Variants in CDK6 observed in about 807,000 individuals in gnomAD.
CDK6 encodes the protein cyclin dependent kinase 6.
In CDK6, 6 loss-of-function variants were observed where a neutral mutation model predicts 37.1. That is an observed-to-expected ratio of 0.16 (90% CI 0.09 to 0.32). The LOEUF is 0.32. Ranked by LOEUF, CDK6 falls within the 10% of genes least tolerant of loss-of-function variation. CDK6 has a pLI of 1.00. For synonymous variants in CDK6, 160 were observed against 161.3 expected, an observed-to-expected ratio of 0.99 and a Z score of 0.06; for missense variants, 224 against 418.9, an observed-to-expected ratio of 0.53 and a Z score of 4.06.
chr7:92,613,885 T>C lies in CDK6; in HGVS notation c.*1255A>G, dbSNP rs1031430526. 9 of 233,206 alleles carry C rather than the reference T, an allele frequency of 3.9e-5. 1 individual carries two copies. The Middle Eastern group carries it at 5.1e-3, about 132-fold the overall frequency. 14.4% of individuals were successfully genotyped at this position (233,206 alleles called of 1,614,324 possible). On this transcript the variant is annotated 3_prime_UTR_variant, in exon 8 of 8. Transcript: ENST00000424848. ...TGTTAGGTTTGCAGAATCGAGGCCATAAACCATAAGCTGAGACTGCGAATT... is the reference window on the plus strand; with the variant it reads ...TGTTAGGTTTGCAGAATCGAGGCCACAAACCATAAGCTGAGACTGCGAATT...
chr7:92,661,524 C>T (rs1027338605), intron 5 of CDK6, among the ~76,000 whole-genome samples: 2 of 152,006 alleles, frequency 1.3e-5, no homozygotes, highest in Admixed American at 6.6e-5. Flanking sequence ...ATGTATTATA[C>T]CCTGTATTCT....
At chr7:92,820,797 T>C (rs943322163) in intron 2 of CDK6, among the ~76,000 whole-genome samples, 3 of 152,064 alleles carry the variant, frequency 2.0e-5, no homozygotes, top group Non-Finnish European at 4.4e-5. Flanking sequence ...GCATATTATC[T>C]AAATTTATGG....
rs1451936223 is a variant in CDK6, at chr7:92,605,504, AT to A, written c.*9635del. On this transcript the variant is annotated 3_prime_UTR_variant, in exon 8 of 8. Transcript: ENST00000424848. ...AGTTTTGGTGGTCCTTGAATGACATATTTTACGTTACATATTTACCCTACTT... is the reference window on the plus strand; with the variant it reads ...AGTTTTGGTGGTCCTTGAATGACATATTTACGTTACATATTTACCCTACTT... 4.3e-6 allele frequency: 1 copy of A among 232,874 alleles called. No homozygotes were observed. The highest frequency in any genetic ancestry group is 6.0e-5 in the East Asian group (1 of 16,536). 14.4% of individuals were successfully genotyped at this position (232,874 alleles called of 1,614,324 possible). A position where few individuals can be genotyped will look rare whatever the true frequency, so the allele number is the denominator to read the frequency against.
intron 2 of CDK6, among the ~76,000 whole-genome samples, chr7:92,783,634 G>C (rs188909665): frequency 7.9e-4 from 120 of 152,158 alleles, no homozygotes; most frequent in African/African-American, 2.7e-3. Context: ...AATATCTTCT[G>C]AATCTGTTAA....
At chr7:92,645,708 G>A (rs1796431288) in intron 5 of CDK6, among the ~76,000 whole-genome samples, 1 of 152,234 alleles carries the variant, frequency 6.6e-6, no homozygotes, top group Admixed American at 6.5e-5. Context: ...AGAGGGGGCA[G>A]GGGCACTCCT....
intron 5 of CDK6, among the ~76,000 whole-genome samples, chr7:92,651,851 C>G (rs530766584): frequency 6.6e-6 from 1 of 151,120 alleles, no homozygotes; most frequent in South Asian, 2.1e-4. Context: ...TGGAGAGGGG[C>G]AGGGGCATCC....
At chr7:92,770,002 T>C (rs2115761858) in intron 3 of CDK6, among the ~76,000 whole-genome samples, 1 of 152,166 alleles carries the variant, frequency 6.6e-6, no homozygotes, top group Middle Eastern at 3.4e-3. Flanking sequence ...AATCTCAGCA[T>C]GGAAACCCAG....
chr7:92,743,042 G>A (rs147128264), intron 3 of CDK6, among the ~76,000 whole-genome samples: 1 of 151,728 alleles, frequency 6.6e-6, no homozygotes, highest in Non-Finnish European at 1.5e-5. Flanking sequence ...TTAGTTTGCT[G>A]CCCTTTCTCG....
intron 5 of CDK6, among the ~76,000 whole-genome samples, chr7:92,656,319 G>A (rs976907457): frequency 4.6e-5 from 7 of 152,152 alleles, no homozygotes; most frequent in East Asian, 1.9e-4. Context: ...GATGCTCAGC[G>A]CAAAACAAAA....
chr7:92,702,695 C>T (rs569451782), intron 4 of CDK6, among the ~76,000 whole-genome samples: 1 of 152,192 alleles, frequency 6.6e-6, no homozygotes, highest in East Asian at 1.9e-4. Context: ...CCACTACCCA[C>T]AGACTTTGGT....
chr7:92,683,709 T>TAG (rs770417668), intron 4 of CDK6, among the ~76,000 whole-genome samples: 1 of 144,808 alleles, frequency 6.9e-6, no homozygotes, highest in Non-Finnish European at 1.5e-5. Flanking sequence ...AGGACTGTGG[T>TAG]GGGGGGGGGG....
At chr7:92,769,449 C>T (rs768489995) in intron 3 of CDK6, among the ~76,000 whole-genome samples, 4 of 152,140 alleles carry the variant, frequency 2.6e-5, no homozygotes, top group African/African-American at 9.7e-5. Context: ...TTTTGTGTGA[C>T]CTTTCAGTGC....
intron 2 of CDK6, among the ~76,000 whole-genome samples, chr7:92,810,212 A>G (rs1453779079): frequency 1.3e-5 from 2 of 152,198 alleles, no homozygotes; most frequent in Non-Finnish European, 2.9e-5. Context: ...GTAAGTCAAG[A>G]TAGCTTCCTC....
chr7:92,655,872 T>C (rs1796683614), intron 5 of CDK6, among the ~76,000 whole-genome samples: 1 of 152,270 alleles, frequency 6.6e-6, no homozygotes, highest in South Asian at 2.1e-4. Flanking sequence ...AGTGCATGTA[T>C]GTGCATTTGC....
chr7:92,725,817 T>C, intron 3 of CDK6, 24 bp from the exon 4 acceptor site: 2 of 1,596,852 alleles, frequency 1.3e-6, no homozygotes, highest in East Asian at 4.5e-5. Flanking sequence ...AAAAAGAAAA[T>C]CAGTAAACAC....
chr7:92,610,885 G>A lies in CDK6; in HGVS notation c.*4255C>T, dbSNP rs1396297724. The A allele has an allele frequency of 4.4e-6, 1 of 228,386 alleles. No individual in the cohort carries two copies. Among genetic ancestry groups the A allele is most frequent in the Non-Finnish European group, 8.7e-6 (1 of 115,132 alleles). The allele number at this position is 228,386 out of a possible 1,614,324, so 14.1% of individuals were successfully genotyped here. A position where few individuals can be genotyped will look rare whatever the true frequency, so the allele number is the denominator to read the frequency against. On this transcript the variant is annotated 3_prime_UTR_variant, in exon 8 of 8. Transcript: ENST00000424848. ...CCTTTTAAAAATTTATTTTTTCAAT[G>A]AACGTTCTTAGGCATGTGTAAGAAG...
chr7:92,701,321 T>G (rs1037630675), intron 4 of CDK6, among the ~76,000 whole-genome samples: 31 of 152,212 alleles, frequency 2.0e-4, no homozygotes, highest in African/African-American at 7.2e-4. Flanking sequence ...GGAATTCACA[T>G]TCAAAGGTTT....
intron 5 of CDK6, among the ~76,000 whole-genome samples, chr7:92,637,678 C>T (rs1197852715): frequency 6.6e-6 from 1 of 152,116 alleles, no homozygotes; most frequent in Non-Finnish European, 1.5e-5. Flanking sequence ...TAACACTCTG[C>T]TAAGTAAATA....
intron 4 of CDK6, among the ~76,000 whole-genome samples, chr7:92,673,891 C>A (rs965279395): frequency 6.6e-6 from 1 of 151,994 alleles, no homozygotes; most frequent in Admixed American, 6.5e-5. Flanking sequence ...AATTCTCCTG[C>A]CTCAGCCTCC....
Sources: allele counts gnomAD v4.1 joint callset (sites outside exome capture counted in the v4.1 genomes callset), GRCh38; gene constraint gnomAD v4.1.1; transcripts MANE v1.5; gene names NCBI Gene and HGNC (gene_info 2026-07-23, HGNC 2026-07-21).